Variants in PLA1A observed in about 807,000 individuals in gnomAD.
PLA1A encodes the protein phosphatidylserine-specific phospholipase A1alpha.
Under a neutral mutation model 49.4 loss-of-function variants are expected in PLA1A, and 47 were observed. That is an observed-to-expected ratio of 0.95 (90% CI 0.75 to 1.21). The LOEUF (loss-of-function observed/expected upper bound fraction) is 1.21. Among genes scored for constraint, PLA1A ranks in the 50% most tolerant of loss-of-function variants. PLA1A has a pLI of 0.00. For missense variants in PLA1A, 561 were observed against 563.9 expected (o/e 0.99, Z 0.05); for synonymous variants, 224 against 207.9 (o/e 1.08, Z -0.67).
chr3:119,608,900 G>A lies in PLA1A; in HGVS notation c.406G>A (p.Val136Met). Residue 136 changes from valine (V) to methionine (M), a missense_variant, in exon 3 of 11, where the codon GTG (valine) becomes ATG (methionine). Physicochemically the swap from Val to Met is conservative, Grantham distance 21. Transcript: ENST00000273371. ...TGVYFSAVKN[V>M]IKLSLEISLF... ...AGTCTACTTCTCAGCTGTGAAAAAT[G>A]TGATTAAGTTGAGCCTCGAGATCTC... 6.2e-7 allele frequency: 1 copy of A among 1,614,142 alleles called. No individual in the cohort carries two copies. The highest frequency in any genetic ancestry group is 8.5e-7 in the Non-Finnish European group (1 of 1,179,980).
intron 1 of PLA1A, chr3:119,598,539 T>A (rs569290255): frequency 6.6e-6 from 1 of 152,544 alleles, no homozygotes; most frequent in East Asian, 1.9e-4. Context: ...AGTAAAGAAC[T>A]GACCCACTGA....
intron 2 of PLA1A, among the ~76,000 whole-genome samples, chr3:119,608,240 GAGAGAA>G (rs1181981145): frequency 4.6e-5 from 6 of 129,238 alleles, no homozygotes; most frequent in African/African-American, 1.2e-4. Flanking sequence ...GAGAAAGAAA[GAGAGAA>G]AGAAAGAAAG....
intron 6 of PLA1A, among the ~76,000 whole-genome samples, chr3:119,616,814 C>G (rs2082854481): frequency 6.6e-6 from 1 of 152,222 alleles, no homozygotes; most frequent in Admixed American, 6.5e-5. Flanking sequence ...CTCAGCAATT[C>G]TGATAAAATA....
chr3:119,604,830 G>C (rs2082665159), intron 1 of PLA1A, among the ~76,000 whole-genome samples: 1 of 152,172 alleles, frequency 6.6e-6, no homozygotes, highest in South Asian at 2.1e-4. Flanking sequence ...ACAGGCACAT[G>C]GGATGGGCTT....
Position 119,625,150 on chromosome 3 carries a change from T to C in PLA1A, c.1039T>C (p.Leu347=), listed in dbSNP as rs1216428299. Residue 347 remains leucine, a synonymous_variant, in exon 9 of 11, where the codon TTG becomes CTG. Coordinates refer to ENST00000273371, the MANE Select transcript of PLA1A (RefSeq NM_015900.4). The part of the protein sequence containing the change: ...CMHHSLVEFH[L]KELRNKDTNI... ...GCATCACAGCCTCGTGGAGTTTCACTTGAAGGAACTGAGAAACAAGGACAC... is the reference window on the plus strand; with the variant it reads ...GCATCACAGCCTCGTGGAGTTTCACCTGAAGGAACTGAGAAACAAGGACAC... The C allele has an allele frequency of 1.9e-6, 3 of 1,613,514 alleles. No homozygotes were observed. The highest frequency in any genetic ancestry group is 1.3e-5 in the African/African-American group (1 of 75,048).
chr3:119,603,776 G>A (rs2082648483), intron 1 of PLA1A, among the ~76,000 whole-genome samples: 1 of 152,242 alleles, frequency 6.6e-6, no homozygotes, highest in African/African-American at 2.4e-5. Context: ...TTTATAAGGT[G>A]CCTATGAATG....
At chr3:119,605,632 G>A (rs888223172) in intron 1 of PLA1A, among the ~76,000 whole-genome samples, 2 of 152,188 alleles carry the variant, frequency 1.3e-5, no homozygotes, top group East Asian at 1.9e-4. Flanking sequence ...TGTGTTCTGC[G>A]GGTCAGCATG....
At chr3:119,617,025 C>T (rs2082857157) in intron 6 of PLA1A, among the ~76,000 whole-genome samples, 1 of 152,208 alleles carries the variant, frequency 6.6e-6, no homozygotes, top group Admixed American at 6.5e-5. Context: ...GCCTTGGTTG[C>T]AGGTCTCAGC....
intron 1 of PLA1A, among the ~76,000 whole-genome samples, chr3:119,603,702 T>C (rs79825864): frequency 0.011 from 1,656 of 152,334 alleles, 26 homozygotes; most frequent in African/African-American, 0.036. Flanking sequence ...CAGTGATTTA[T>C]GGTTTGGGCT....
intron 9 of PLA1A, among the ~76,000 whole-genome samples, chr3:119,625,564 T>C (rs1044166274): frequency 6.6e-6 from 1 of 152,004 alleles, no homozygotes; most frequent in Non-Finnish European, 1.5e-5. Flanking sequence ...GTATCAGGGA[T>C]GTCAGTAGGG....
At chr3:119,619,781 CT>C in intron 8 of PLA1A, 129 bp downstream of exon 8, 1 of 695,460 alleles carries the variant, frequency 1.4e-6, no homozygotes, top group South Asian at 1.6e-5. Context: ...GCAACAGCCC[CT>C]GGTCTGAACC....
intron 1 of PLA1A, among the ~76,000 whole-genome samples, chr3:119,604,133 G>A (rs2082652923): frequency 6.6e-6 from 1 of 152,092 alleles, no homozygotes; most frequent in African/African-American, 2.4e-5. Flanking sequence ...AGGTTAAAAG[G>A]GTGTTTTTCT....
At chr3:119,599,335 G>A (rs2082582797) in intron 1 of PLA1A, among the ~76,000 whole-genome samples, 1 of 152,124 alleles carries the variant, frequency 6.6e-6, no homozygotes, top group Admixed American at 6.6e-5. Flanking sequence ...GGAAGTGGAG[G>A]GAACAGGGCT....
intron 8 of PLA1A, chr3:119,619,996 G>T (rs949933703): frequency 8.6e-6 from 4 of 464,082 alleles, no homozygotes; most frequent in Non-Finnish European, 1.3e-5. Flanking sequence ...ACCCTATGTG[G>T]TTCTCACCCT....
At position 119,609,507 on chromosome 3, in the gene PLA1A, G is replaced by A; in HGVS notation, c.493G>A (p.Val165Ile). Reference protein sequence around the residue: ...VSESSIHIIGVSLGAHVGGMV... With the variant: ...VSESSIHIIGISLGAHVGGMV... ...GGAATCCTCAATCCACATCATTGGT[G>A]TTAGCCTGGGGGCCCACGTTGGGGG... is the stretch of plus-strand genomic sequence containing the variant. The change falls in exon 4 of 11, where the codon GTT (valine) becomes ATT (isoleucine). Residue 165 changes from valine (V) to isoleucine (I), a missense_variant. Val to Ile is a conservative substitution (Grantham distance 29). Transcript: ENST00000273371. 6.2e-7 allele frequency: 1 copy of A among 1,613,352 alleles called. No homozygotes were observed. The highest frequency in any genetic ancestry group is 1.1e-5 in the South Asian group (1 of 91,064).
At position 119,615,808 on chromosome 3, in the gene PLA1A, A is replaced by T. The variant is rs183538699; in HGVS notation, c.665-204A>T. ...CCTGGGTGACAAGAGCGAGAGAGCG[A>T]AAAAAGAAAGCCTCAGAAAAAAAAA... On this transcript the variant is annotated intron_variant, in intron 5 of 10. Transcript: ENST00000273371. Among the ~76,000 whole-genome samples the T allele has an allele frequency of 4.0e-3, 611 of 151,616 alleles. 7 individuals carry two copies. The highest frequency in any genetic ancestry group is 0.014 in the African/African-American group (565 of 41,062).
At position 119,613,047 on chromosome 3, in the gene PLA1A, G is replaced by C; in HGVS notation, c.593G>C (p.Arg198Thr). The change falls in exon 5 of 11, where the codon AGG becomes ACG. Residue 198 changes from arginine to threonine, a missense_variant. Arg to Thr is a moderately conservative substitution (Grantham distance 71). Transcript: ENST00000273371. ...GACCCCGCTGGACCTGAGTACACCAGGGCCAGTGTGGAAGAGCGCTTGGAT... is the reference window on the plus strand; with the variant it reads ...GACCCCGCTGGACCTGAGTACACCACGGCCAGTGTGGAAGAGCGCTTGGAT... ...GLDPAGPEYT[R>T]ASVEERLDAG... The C allele has an allele frequency of 6.2e-7, 1 of 1,606,584 alleles. No individual in the cohort carries two copies. The highest frequency in any genetic ancestry group is 8.5e-7 in the Non-Finnish European group (1 of 1,176,166).
Position 119,629,695 on chromosome 3 carries a change from C to CTTAACTGCACTTGCTTTATCT in PLA1A, c.*227_*228insTTAACTGCACTTGCTTTATCT. On this transcript the variant is annotated 3_prime_UTR_variant, in exon 11 of 11. Transcript: ENST00000273371. The stretch of plus-strand genomic sequence containing the variant: ...TTATGTACATACCCATTTTAGCTTT[C>CTTAACTGCACTTGCTTTATCT]CCATGCATACTTAACTGCACTTGCT... The CTTAACTGCACTTGCTTTATCT allele has an allele frequency of 4.0e-6, 2 of 501,446 alleles. No homozygotes were observed. Among genetic ancestry groups the CTTAACTGCACTTGCTTTATCT allele is most frequent in the Middle Eastern group, 4.9e-4 (1 of 2,032 alleles). The allele number at this position is 501,446 out of a possible 1,614,324, so 31.1% of individuals were successfully genotyped here.
Position 119,613,064 on chromosome 3 carries a change from C to A in PLA1A, c.610C>A (p.Arg204Ser), listed in dbSNP as rs375025463. The change falls in exon 5 of 11, where the codon CGC (arginine) becomes AGC (serine). Residue 204 changes from arginine (R) to serine (S), a missense_variant. Transcript: ENST00000273371. ...PEYTRASVEERLDAGDALFVE... is the reference protein window; with the variant it reads ...PEYTRASVEESLDAGDALFVE... The stretch of plus-strand genomic sequence containing the variant: ...GTACACCAGGGCCAGTGTGGAAGAG[C>A]GCTTGGATGCTGGAGATGCCCTCTT... 6.2e-7 allele frequency: 1 copy of A among 1,608,754 alleles called. No homozygotes were observed.
Sources: gnomAD v4.1 joint callset for allele counts (sites outside exome capture counted in the v4.1 genomes callset) on GRCh38, gnomAD v4.1.1 for gene constraint, MANE v1.5 for transcripts, NCBI Gene and HGNC (gene_info 2026-07-23, HGNC 2026-07-21) for gene names.